Variants in CDH13 observed in about 807,000 individuals in gnomAD.
CDH13 encodes the protein cadherin-13.
CDH13 carries 24 observed loss-of-function variants against 63.8 expected under a neutral mutation model. The observed-to-expected ratio is 0.38, with a 90% CI of 0.27 to 0.53. The LOEUF is 0.53. CDH13 is among the 20% of genes least tolerant of loss of function. The probability of loss-of-function intolerance (pLI) is 0.85; values close to 1 mark genes in which losing one functional copy is unlikely to be tolerated. For missense variants in CDH13, 1,049 were observed against 903.1 expected (o/e 1.16, Z -2.07); for synonymous variants, 503 against 355.3 (o/e 1.42, Z -4.67).
chr16:83,407,867 A>G (rs1196748521), intron 6 of CDH13, among the ~76,000 whole-genome samples: 1 of 152,138 alleles, frequency 6.6e-6, no homozygotes, highest in African/African-American at 2.4e-5. Flanking sequence ...CGACTCACAA[A>G]TGTATAACTG....
intron 1 of CDH13, among the ~76,000 whole-genome samples, chr16:82,684,579 C>T (rs1365556564): frequency 6.6e-6 from 1 of 151,982 alleles, no homozygotes; most frequent in Non-Finnish European, 1.5e-5. Context: ...ATCTGGGGAG[C>T]TACCTTAATG....
intron 6 of CDH13, among the ~76,000 whole-genome samples, chr16:83,350,034 C>G (rs1440198469): frequency 6.6e-6 from 1 of 152,178 alleles, no homozygotes; most frequent in African/African-American, 2.4e-5. Flanking sequence ...AGAATATCTA[C>G]TCCCCCAAGT....
At chr16:83,348,620 C>T (rs570871771) in intron 6 of CDH13, among the ~76,000 whole-genome samples, 26 of 152,314 alleles carry the variant, frequency 1.7e-4, no homozygotes, top group East Asian at 3.9e-4. Flanking sequence ...TTACACTGAG[C>T]GTCACAAATT....
At chr16:83,214,635 G>A (rs1158972616) in intron 4 of CDH13, among the ~76,000 whole-genome samples, 1 of 103,456 alleles carries the variant, frequency 9.7e-6, no homozygotes, top group Non-Finnish European at 2.3e-5. Flanking sequence ...GAAAAGGATA[G>A]AGATACCATT....
chr16:83,402,146 C>G (rs1345795256), intron 6 of CDH13, among the ~76,000 whole-genome samples: 1 of 152,116 alleles, frequency 6.6e-6, no homozygotes, highest in Non-Finnish European at 1.5e-5. Flanking sequence ...ATGCTGTACA[C>G]TAGCCTAGTA....
chr16:83,345,108 G>C (rs569659866), intron 6 of CDH13, 102 bp downstream of exon 6: 2 of 1,325,926 alleles, frequency 1.5e-6, no homozygotes, highest in Non-Finnish European at 2.1e-6. Flanking sequence ...CAACTTGTCA[G>C]CTCGTATCAG....
chr16:83,469,605 G>T (rs114680342), intron 6 of CDH13, among the ~76,000 whole-genome samples: 3,867 of 152,232 alleles, frequency 0.025, 169 homozygotes, highest in African/African-American at 0.087. Context: ...TCTTCATGCT[G>T]CAAGAAAATT....
chr16:83,322,226 G>A (rs1390344369), intron 5 of CDH13, among the ~76,000 whole-genome samples: 2 of 152,158 alleles, frequency 1.3e-5, no homozygotes, highest in Admixed American at 6.5e-5. Flanking sequence ...TGGTGTTGCC[G>A]GCTGGTGTCT....
In CDH13 at chr16:82,907,865, T is replaced by C. The variant is rs1269828552; in HGVS notation, c.157+49392T>C. Among the ~76,000 whole-genome samples, 4 of 152,172 alleles carry C rather than the reference T, an allele frequency of 2.6e-5. No homozygotes were observed. The East Asian group carries it at 7.7e-4, about 29-fold the overall frequency. On this transcript the variant is annotated intron_variant, in intron 2 of 13. Transcript: ENST00000567109. ...GAGTATGTTCCCCCCAAAGTAGAGATAGTATGTCTTTGAATGCAAACCATG... is the reference window on the plus strand; with the variant it reads ...GAGTATGTTCCCCCCAAAGTAGAGACAGTATGTCTTTGAATGCAAACCATG...
intron 7 of CDH13, among the ~76,000 whole-genome samples, chr16:83,522,712 G>A (rs1002928660): frequency 6.6e-5 from 10 of 152,282 alleles, no homozygotes; most frequent in African/African-American, 1.7e-4. Flanking sequence ...GGGCCCTGTC[G>A]GGGTCTGGCC....
rs143172027 is a variant in CDH13 at position 83,221,029 on chromosome 16, C to G, written c.636+3532C>G. On this transcript the variant is annotated intron_variant, in intron 5 of 13. Transcript: ENST00000567109. ...CACCATTTCACAGATAAGCAAATAG[C>G]TGTTAAACAACTTTTTCAAGGTCTC... is the stretch of plus-strand genomic sequence containing the variant. 2.8e-3 allele frequency among the ~76,000 whole-genome samples: 427 copies of G among 152,360 alleles called. 1 individual carries two copies. The highest frequency in any genetic ancestry group is 9.5e-3 in the African/African-American group (394 of 41,598).
At chr16:83,707,836 C>CAAAAAAAAAAAAAAAAGAAAAAAA (rs1907344215) in intron 10 of CDH13, among the ~76,000 whole-genome samples, 1 of 78,902 alleles carries the variant, frequency 1.3e-5, no homozygotes, top group African/African-American at 5.0e-5. Context: ...ACCCTAAAGG[C>CAAAAAAAAAAAAAAAAGAAAAAAA]AAAAAAAAAA....
intron 6 of CDH13, among the ~76,000 whole-genome samples, chr16:83,376,912 C>T (rs1313570678): frequency 2.0e-5 from 3 of 152,134 alleles, no homozygotes; most frequent in Non-Finnish European, 4.4e-5. Flanking sequence ...TAGAAGCCAG[C>T]ACCACATAAG....
At chr16:82,950,852 C>G (rs1172674901) in intron 2 of CDH13, among the ~76,000 whole-genome samples, 1 of 144,218 alleles carries the variant, frequency 6.9e-6, no homozygotes, top group African/African-American at 2.6e-5. Flanking sequence ...GACAGTGAAA[C>G]CCACAGCAGT....
chr16:83,646,700 AAAAAAAAAAAAAAC>A (rs568664881), intron 8 of CDH13, among the ~76,000 whole-genome samples: 13,977 of 80,010 alleles, frequency 0.17, 929 homozygotes, highest in South Asian at 0.22. Flanking sequence ...CTCAAAAAAA[AAAAAAAAAAAAAAC>A]ACACACACAC....
Position 82,913,302 on chromosome 16 carries a change from G to A in CDH13, c.157+54829G>A, listed in dbSNP as rs1379214937. 2.0e-5 allele frequency among the ~76,000 whole-genome samples: 3 copies of A among 152,162 alleles called. No individual in the cohort carries two copies. In the East Asian group the frequency reaches 5.8e-4, roughly 29 times the overall value. ...GATGCTGCGTTGTTCTGGGAGATGT[G>A]AGCCGCCGGCTCATTCAGAATGTGC... On this transcript the variant is annotated intron_variant, in intron 2 of 13. Transcript: ENST00000567109.
intron 7 of CDH13, among the ~76,000 whole-genome samples, chr16:83,580,246 G>A (rs1341163121): frequency 2.6e-5 from 4 of 152,100 alleles, no homozygotes; most frequent in Admixed American, 2.6e-4. Flanking sequence ...ATGTGCGTGA[G>A]GTGATGCTAT....
At chr16:83,020,529 A>C (rs1915250665) in intron 2 of CDH13, among the ~76,000 whole-genome samples, 1 of 152,172 alleles carries the variant, frequency 6.6e-6, no homozygotes, top group Non-Finnish European at 1.5e-5. Context: ...AAATGGGGCC[A>C]CCCTGCTGCT....
At chr16:83,144,742 G>C (rs985981615) in intron 4 of CDH13, among the ~76,000 whole-genome samples, 1 of 152,236 alleles carries the variant, frequency 6.6e-6, no homozygotes, top group African/African-American at 2.4e-5. Context: ...GTCAGAATGA[G>C]TTCATCACCT....
Sources: allele counts gnomAD v4.1 joint callset (sites outside exome capture counted in the v4.1 genomes callset), GRCh38; gene constraint gnomAD v4.1.1; transcripts MANE v1.5; gene names NCBI Gene and HGNC (gene_info 2026-07-23, HGNC 2026-07-21).